Variants in CPNE8 observed in about 807,000 individuals in gnomAD.
CPNE8 encodes copine 8.
In CPNE8, 45 loss-of-function variants were observed where a neutral mutation model predicts 81.5. The observed-to-expected ratio is 0.55, with a 90% CI of 0.44 to 0.71. The LOEUF (loss-of-function observed/expected upper bound fraction) is 0.71. CPNE8 is among the 30% of genes least tolerant of loss of function. The pLI, the probability that CPNE8 is intolerant of heterozygous loss-of-function variation, is 0.00. For synonymous variants in CPNE8, 252 were observed against 226.3 expected (o/e 1.11, Z -1.02); for missense variants, 594 against 672.1 (o/e 0.88, Z 1.28).
intron 7 of CPNE8, among the ~76,000 whole-genome samples, chr12:38,773,752 A>C (rs898085334): frequency 2.6e-5 from 4 of 152,134 alleles, no homozygotes; most frequent in African/African-American, 9.7e-5. Flanking sequence ...CTAAAGTATA[A>C]ATTTAAAAAG....
At chr12:38,689,755 G>T (rs79475045) in intron 15 of CPNE8, among the ~76,000 whole-genome samples, 4,635 of 152,256 alleles carry the variant, frequency 0.03, 215 homozygotes, top group East Asian at 0.14. Context: ...CTATTGGTCC[G>T]CATGGAAGAC....
At chr12:38,798,435 T>C (rs557900559) in intron 6 of CPNE8, among the ~76,000 whole-genome samples, 61 of 152,242 alleles carry the variant, frequency 4.0e-4, no homozygotes, top group African/African-American at 1.4e-3. Context: ...CAGAATTTCA[T>C]ATCCAGCCAA....
chr12:38,667,402 C>T (rs1939081606), intron 19 of CPNE8, among the ~76,000 whole-genome samples: 1 of 152,098 alleles, frequency 6.6e-6, no homozygotes, highest in South Asian at 2.1e-4. Context: ...CTGGTAGAAC[C>T]TGGAAAACTC....
chr12:38,699,149 C>CA (rs1304803663), intron 14 of CPNE8, among the ~76,000 whole-genome samples: 1 of 152,212 alleles, frequency 6.6e-6, no homozygotes, highest in South Asian at 2.1e-4. Context: ...ATGTTTTCTT[C>CA]AAAAAATAAT....
intron 14 of CPNE8, among the ~76,000 whole-genome samples, chr12:38,697,820 CTT>C (rs1939834090): frequency 1.3e-5 from 2 of 152,230 alleles, no homozygotes; most frequent in South Asian, 4.1e-4. Context: ...CTCTCTCTCT[CTT>C]GCTCCCAACA....
At chr12:38,803,772 C>A (rs1942749069) in intron 6 of CPNE8, among the ~76,000 whole-genome samples, 1 of 120,406 alleles carries the variant, frequency 8.3e-6, no homozygotes, top group African/African-American at 2.8e-5. Flanking sequence ...AACGTCTCAG[C>A]CCAAAATCTC....
At chr12:38,846,953 A>G (rs1039232219) in intron 4 of CPNE8, among the ~76,000 whole-genome samples, 3 of 152,276 alleles carry the variant, frequency 2.0e-5, no homozygotes, top group South Asian at 2.1e-4. Flanking sequence ...TGAATGTGGT[A>G]TATGCATATT....
chr12:38,892,716 G>A (rs754146770), intron 1 of CPNE8, among the ~76,000 whole-genome samples: 3 of 152,200 alleles, frequency 2.0e-5, no homozygotes, highest in Non-Finnish European at 2.9e-5. Flanking sequence ...AAGCACACAA[G>A]ACTGAATCCA....
In CPNE8 at chr12:38,772,037, G is replaced by A. The variant is rs562026463; in HGVS notation, c.471+4201C>T. Among the ~76,000 whole-genome samples the A allele has an allele frequency of 3.9e-5, 6 of 152,304 alleles. No homozygotes were observed. In the East Asian group the frequency reaches 1.2e-3, roughly 29 times the overall value. ...AATCCCTCATAAATAGGTAGGTGCT[G>A]CTTTCACAGTCTTGAATGAGACTGG... On this transcript the variant is annotated intron_variant, in intron 7 of 19. Transcript: ENST00000331366.
At chr12:38,817,598 T>G (rs1369653913) in intron 6 of CPNE8, among the ~76,000 whole-genome samples, 1 of 150,036 alleles carries the variant, frequency 6.7e-6, no homozygotes, top group Non-Finnish European at 1.5e-5. Flanking sequence ...CGTTTAAAGT[T>G]ACACATTAAT....
chr12:38,775,648 T>G (rs1220315532), intron 7 of CPNE8, among the ~76,000 whole-genome samples: 1 of 152,122 alleles, frequency 6.6e-6, no homozygotes, highest in African/African-American at 2.4e-5. Context: ...TAATCATGAG[T>G]CAATGGGTGC....
chr12:38,664,679 A>G (rs1939028713), intron 19 of CPNE8, among the ~76,000 whole-genome samples: 1 of 152,142 alleles, frequency 6.6e-6, no homozygotes, highest in Admixed American at 6.6e-5. Context: ...TGGAACATAA[A>G]AACTAAGGCT....
At chr12:38,752,379 T>C (rs1406913120) in intron 10 of CPNE8, among the ~76,000 whole-genome samples, 1 of 152,196 alleles carries the variant, frequency 6.6e-6, no homozygotes, top group East Asian at 1.9e-4. Flanking sequence ...CTCCCACTGA[T>C]AATTAGTCAC....
At chr12:38,858,734 G>A (rs1943784805) in intron 3 of CPNE8, among the ~76,000 whole-genome samples, 1 of 152,170 alleles carries the variant, frequency 6.6e-6, no homozygotes, top group Non-Finnish European at 1.5e-5. Flanking sequence ...CACCTCTGGA[G>A]TTGAGTCCCA....
At chr12:38,718,994 G>T (rs1940481838) in intron 13 of CPNE8, among the ~76,000 whole-genome samples, 1 of 152,108 alleles carries the variant, frequency 6.6e-6, no homozygotes, top group East Asian at 1.9e-4. Flanking sequence ...AGTAATAGCA[G>T]ATGTTAGCTA....
intron 6 of CPNE8, among the ~76,000 whole-genome samples, chr12:38,794,811 T>C (rs1942416042): frequency 1.3e-5 from 2 of 152,168 alleles, no homozygotes; most frequent in African/African-American, 4.8e-5. Context: ...GAATACAAAG[T>C]ATTGTTGCTG....
chr12:38,749,988 C>G (rs980858265), intron 10 of CPNE8, among the ~76,000 whole-genome samples: 3 of 152,110 alleles, frequency 2.0e-5, no homozygotes, highest in Non-Finnish European at 2.9e-5. Flanking sequence ...CCATCAGAGG[C>G]CTAGATGCCT....
intron 8 of CPNE8, among the ~76,000 whole-genome samples, chr12:38,765,949 C>G (rs1461640400): frequency 1.3e-5 from 2 of 151,998 alleles, no homozygotes; most frequent in African/African-American, 4.8e-5. Flanking sequence ...ACCTCCGCCT[C>G]CCAGGTTCAA....
At chr12:38,839,324 C>T (rs549043534) in intron 5 of CPNE8, among the ~76,000 whole-genome samples, 45 of 152,002 alleles carry the variant, frequency 3.0e-4, no homozygotes, top group Middle Eastern at 3.4e-3. Flanking sequence ...GGAAATTTCC[C>T]CAGGTAACAG....
Sources: gnomAD v4.1 joint callset for allele counts (sites outside exome capture counted in the v4.1 genomes callset) on GRCh38, gnomAD v4.1.1 for gene constraint, MANE v1.5 for transcripts, NCBI Gene and HGNC (gene_info 2026-07-23, HGNC 2026-07-21) for gene names.